Variants in KDM4A observed in about 807,000 individuals in gnomAD.
The protein encoded by KDM4A is lysine-specific demethylase 4A.
KDM4A carries 23 observed loss-of-function variants against 127.1 expected under a neutral mutation model. That is an observed-to-expected ratio of 0.18 (90% CI 0.13 to 0.26). The LOEUF (loss-of-function observed/expected upper bound fraction) is 0.26. KDM4A is among the 10% of genes least tolerant of loss of function. KDM4A has a pLI of 1.00. For missense variants in KDM4A, 890 were observed against 1,329.1 expected, an observed-to-expected ratio of 0.67 and a Z score of 5.14; for synonymous variants, 443 against 466.5, an observed-to-expected ratio of 0.95 and a Z score of 0.65.
At chr1:43,653,106 A>G in intron 1 of KDM4A, 31 bp from the exon 2 acceptor site, 1 of 1,148,490 alleles carries the variant, frequency 8.7e-7, no homozygotes. Context: ...TAATTTTTAT[A>G]TTATTTTATA....
intron 11 of KDM4A, among the ~76,000 whole-genome samples, chr1:43,675,506 G>C (rs1174599580): frequency 6.6e-6 from 1 of 152,204 alleles, no homozygotes; most frequent in Non-Finnish European, 1.5e-5. Flanking sequence ...GAATCTGGGA[G>C]AGGAGGGTGT....
chr1:43,684,801 T>C (rs1226410363), intron 12 of KDM4A, among the ~76,000 whole-genome samples: 1 of 152,190 alleles, frequency 6.6e-6, no homozygotes, highest in Non-Finnish European at 1.5e-5. Context: ...AGTGCTGGCA[T>C]CTTGAGGATG....
intron 12 of KDM4A, among the ~76,000 whole-genome samples, chr1:43,685,863 A>G (rs1311091701): frequency 6.6e-6 from 1 of 152,136 alleles, no homozygotes; most frequent in African/African-American, 2.4e-5. Flanking sequence ...GTCAGGTCCT[A>G]GGAAGTTCTC....
chr1:43,671,767 C>T lies in KDM4A; in HGVS notation c.1626C>T (p.Leu542=), dbSNP rs1221644686. The change falls in exon 11 of 22, where the codon CTC becomes CTT. Residue 542 remains leucine, a synonymous_variant. Transcript: ENST00000372396. ...SCRAQGQTGV[L]TVHSYAKGDG... Reference sequence around the variant, plus strand: ...GAGCCCAAGGGCAAACGGGAGTTCTCACTGTGCACAGTTATGCCAAAGGGG... The same window carrying T: ...GAGCCCAAGGGCAAACGGGAGTTCTTACTGTGCACAGTTATGCCAAAGGGG... 2.5e-6 allele frequency: 4 copies of T among 1,613,882 alleles called. No individual in the cohort carries two copies. The highest frequency in any genetic ancestry group is 1.1e-5 in the South Asian group (1 of 91,032).
chr1:43,696,951 T>A (rs1320418917), intron 18 of KDM4A, among the ~76,000 whole-genome samples: 1 of 152,224 alleles, frequency 6.6e-6, no homozygotes, highest in East Asian at 1.9e-4. Context: ...ACAGTATAGT[T>A]GAAGGACACA....
At position 43,690,946 on chromosome 1, in the gene KDM4A, G is replaced by C. The variant is rs142418212; in HGVS notation, c.2139G>C (p.Ser713=). The C allele has an allele frequency of 1.2e-6, 2 of 1,614,042 alleles. No homozygotes were observed. Among genetic ancestry groups the C allele is most frequent in the African/African-American group, 2.7e-5 (2 of 74,914 alleles). The change falls in exon 14 of 22, where the codon TCG becomes TCC. Residue 713 remains serine (S), a synonymous_variant. Coordinates refer to ENST00000372396, the MANE Select transcript of KDM4A (RefSeq NM_014663.3). ...KPLIPEMCFT[S]TGCSTDINLS... ...TGATTCCAGAAATGTGCTTCACTTC[G>C]ACTGGCTGCAGCACGGACATCAACC...
At chr1:43,699,170 C>T (rs1661320768) in intron 19 of KDM4A, among the ~76,000 whole-genome samples, 1 of 151,208 alleles carries the variant, frequency 6.6e-6, no homozygotes, top group African/African-American at 2.4e-5. Context: ...TATCATAGCT[C>T]CTGCAATCTC....
Position 43,667,873 on chromosome 1 carries a change from A to G in KDM4A, c.1017A>G (p.Thr339=), listed in dbSNP as rs781509344. 9.3e-6 allele frequency: 15 copies of G among 1,614,074 alleles called. No individual in the cohort carries two copies. The East Asian group carries it at 3.3e-4, about 36-fold the overall frequency. ...YKLWKAGKDN[T]VIDHTLPTPE... ...TTTGGAAAGCTGGGAAGGACAACAC[A>G]GTTATTGACCATACTCTGCCCACGC... Residue 339 remains threonine (T), a synonymous_variant, in exon 9 of 22, where the codon ACA becomes ACG. Transcript: ENST00000372396.
chr1:43,701,458 G>C (rs1397634121), intron 19 of KDM4A, among the ~76,000 whole-genome samples: 3 of 152,134 alleles, frequency 2.0e-5, no homozygotes. Context: ...AAAAGCCATA[G>C]TTTGTCAGTC....
chr1:43,665,814 T>C, intron 6 of KDM4A, 69 bp downstream of exon 6: 1 of 1,504,582 alleles, frequency 6.6e-7, no homozygotes, highest in Non-Finnish European at 9.3e-7. Flanking sequence ...TGCACTAAAA[T>C]GTGCGTTCCC....
intron 19 of KDM4A, 104 bp downstream of exon 19, chr1:43,698,117 CT>C (rs1661288355): frequency 2.8e-6 from 3 of 1,071,520 alleles, no homozygotes; most frequent in African/African-American, 1.6e-5. Flanking sequence ...AGCCAGGTCC[CT>C]GGTCCCATCA....
Position 43,653,258 on chromosome 1 carries a change from G to A in KDM4A, c.83G>A (p.Ser28Asn). The change falls in exon 2 of 22, where the codon AGT becomes AAT. Residue 28 changes from serine to asparagine, a missense_variant. Coordinates refer to ENST00000372396, the MANE Select transcript of KDM4A (RefSeq NM_014663.3). Reference sequence around the variant, plus strand: ...ACTATGGAAGAGTTCCGAAACTTCAGTAGATACATTGCCTACATTGAATCC... The same window carrying A: ...ACTATGGAAGAGTTCCGAAACTTCAATAGATACATTGCCTACATTGAATCC... ...YPTMEEFRNF[S>N]RYIAYIESQG... The A allele has an allele frequency of 6.2e-7, 1 of 1,613,936 alleles. No homozygotes were observed. Among genetic ancestry groups the A allele is most frequent in the Non-Finnish European group, 8.5e-7 (1 of 1,179,896 alleles).
At chr1:43,673,198 G>A (rs992563195) in intron 11 of KDM4A, among the ~76,000 whole-genome samples, 3 of 152,078 alleles carry the variant, frequency 2.0e-5, no homozygotes, top group Non-Finnish European at 4.4e-5. Context: ...TGACTCCCCA[G>A]CCTTGGAGCT....
At position 43,666,571 on chromosome 1, in the gene KDM4A, A is replaced by T. The variant is rs376726028; in HGVS notation, c.777+16A>T. ...CTTTGACAAGGTGAGCTGATGTTAC[A>T]TGCCAAAGTTCTCAGGCACCACCCT... is the stretch of plus-strand genomic sequence containing the variant. On this transcript the variant is annotated intron_variant, in intron 7 of 21. Coordinates refer to ENST00000372396, the MANE Select transcript of KDM4A (RefSeq NM_014663.3). 2 of 1,599,128 alleles carry T rather than the reference A, an allele frequency of 1.3e-6. No individual in the cohort carries two copies. Among genetic ancestry groups the T allele is most frequent in the Non-Finnish European group, 1.7e-6 (2 of 1,166,414 alleles).
At position 43,683,190 on chromosome 1, in the gene KDM4A, A is replaced by G. The variant is rs138472196; in HGVS notation, c.1735-494A>G. On this transcript the variant is annotated intron_variant, in intron 11 of 21. Coordinates refer to ENST00000372396, the MANE Select transcript of KDM4A (RefSeq NM_014663.3). ...GCAGTGTATAAGGAGAAGGTGGCCT[A>G]TTTTACTTTTAATAGGTCAGCTGCT... Among the ~76,000 whole-genome samples, 517 of 152,298 alleles carry G rather than the reference A, an allele frequency of 3.4e-3. 5 individuals are homozygous for G. Among genetic ancestry groups the G allele is most frequent in the Middle Eastern group, 3.4e-3 (1 of 294 alleles).
chr1:43,695,496 G>C (rs1315792596), intron 18 of KDM4A, among the ~76,000 whole-genome samples: 2 of 152,206 alleles, frequency 1.3e-5, no homozygotes, highest in Non-Finnish European at 2.9e-5. Flanking sequence ...TGAAAGACTG[G>C]TTATGGGAGT....
chr1:43,703,766 G>A (rs199991640), intron 20 of KDM4A, 30 bp downstream of exon 20: 6 of 1,612,236 alleles, frequency 3.7e-6, no homozygotes, highest in African/African-American at 2.7e-5. Context: ...TCTAGGGAGT[G>A]GGGGGTGCTT....
chr1:43,660,833 G>A (rs1031263757), intron 4 of KDM4A, among the ~76,000 whole-genome samples: 22 of 152,094 alleles, frequency 1.4e-4, no homozygotes, highest in Admixed American at 1.4e-3. Context: ...AGATTCTGTG[G>A]CAAAAGCTAT....
At chr1:43,677,614 T>A (rs1012405768) in intron 11 of KDM4A, among the ~76,000 whole-genome samples, 3 of 152,154 alleles carry the variant, frequency 2.0e-5, no homozygotes, top group Admixed American at 2.0e-4. Flanking sequence ...ATTGACTTAA[T>A]CAAGAAGCTG....
Sources: allele counts gnomAD v4.1 joint callset (sites outside exome capture counted in the v4.1 genomes callset), GRCh38; gene constraint gnomAD v4.1.1; transcripts MANE v1.5; gene names NCBI Gene and HGNC (gene_info 2026-07-23, HGNC 2026-07-21).